GLI3: variants seen among roughly 807,000 people sequenced by gnomAD.
GLI3 encodes the protein transcription activator GLI3.
GLI3 carries 20 observed loss-of-function variants against 100.8 expected under a neutral mutation model. That is an observed-to-expected ratio of 0.20 (90% CI 0.14 to 0.29). The LOEUF (loss-of-function observed/expected upper bound fraction) is 0.29. GLI3 is among the 10% of genes least tolerant of loss of function. The pLI, the probability that GLI3 is intolerant of heterozygous loss-of-function variation, is 1.00. For synonymous variants in GLI3, 938 were observed against 860.5 expected, an observed-to-expected ratio of 1.09 and a Z score of -1.58; for missense variants, 2,040 against 2,128.5, an observed-to-expected ratio of 0.96 and a Z score of 0.82.
chr7:42,173,611 G>A (rs914916230), intron 2 of GLI3, among the ~76,000 whole-genome samples: 1 of 152,022 alleles, frequency 6.6e-6, no homozygotes, highest in Non-Finnish European at 1.5e-5. Flanking sequence ...AGAGTCTGAT[G>A]AGAGCCTTCT....
At chr7:42,120,464 G>A (rs1334489479) in intron 3 of GLI3, among the ~76,000 whole-genome samples, 1 of 152,198 alleles carries the variant, frequency 6.6e-6, no homozygotes, top group Non-Finnish European at 1.5e-5. Flanking sequence ...GGTTTAGGCA[G>A]AGATTTATAA....
chr7:42,025,886 G>A (rs972482534), intron 8 of GLI3, among the ~76,000 whole-genome samples: 6 of 152,234 alleles, frequency 3.9e-5, no homozygotes, highest in African/African-American at 1.4e-4. Flanking sequence ...CCAAATGAGA[G>A]CAATGCATCC....
At chr7:42,258,326 A>G (rs372016747) in intron 1 of GLI3, among the ~76,000 whole-genome samples, 3 of 152,324 alleles carry the variant, frequency 2.0e-5, no homozygotes, top group South Asian at 2.1e-4. Context: ...TCTGGTCAAT[A>G]TACTGTAATC....
At chr7:42,237,461 GC>G (rs1583669600), upstream of GLI3, among the ~76,000 whole-genome samples, 2 of 152,004 alleles carry the variant, frequency 1.3e-5, no homozygotes, top group African/African-American at 4.8e-5. Flanking sequence ...GGGTGGAGAA[GC>G]CCCCCGCCCC....
intron 2 of GLI3, among the ~76,000 whole-genome samples, chr7:42,193,559 G>A (rs1394621030): frequency 1.3e-5 from 2 of 152,136 alleles, no homozygotes; most frequent in Non-Finnish European, 2.9e-5. Flanking sequence ...TTCTCAGGTG[G>A]GACGTTTTCT....
chr7:42,191,592 C>T (rs956613396), intron 2 of GLI3, among the ~76,000 whole-genome samples: 5 of 151,052 alleles, frequency 3.3e-5, no homozygotes, highest in African/African-American at 4.9e-5. Flanking sequence ...GCAGACGTTG[C>T]GGTGCCGAGA....
intron 1 of GLI3, among the ~76,000 whole-genome samples, chr7:42,261,204 CA>C (rs1046931091): frequency 6.6e-6 from 1 of 150,830 alleles, no homozygotes; most frequent in African/African-American, 2.4e-5. Flanking sequence ...CACACAAACA[CA>C]CACACACACA....
rs187835875 is a variant in GLI3, at chr7:42,132,187, G to A, written c.367+16039C>T. The stretch of plus-strand genomic sequence containing the variant: ...TCAATCTCGGCTCACTGCAAGCTCC[G>A]CCTCCTGGGTTCACGCCATTCTCCT... On this transcript the variant is annotated intron_variant, in intron 3 of 14. Transcript: ENST00000395925. Among the ~76,000 whole-genome samples the A allele has an allele frequency of 9.2e-3, 1,396 of 151,928 alleles. 23 individuals are homozygous for A. Among genetic ancestry groups the A allele is most frequent in the African/African-American group, 0.032 (1,309 of 41,412 alleles).
exon 1 of GLI3, among the ~76,000 whole-genome samples, chr7:42,264,077 G>T (rs1188239200): frequency 3.9e-5 from 6 of 152,172 alleles, no homozygotes; most frequent in African/African-American, 1.4e-4. Flanking sequence ...GAGATGGGCT[G>T]TCCAGGCATC....
intron 2 of GLI3, among the ~76,000 whole-genome samples, chr7:42,166,335 G>A (rs3779162): frequency 0.061 from 9,340 of 152,282 alleles, 289 homozygotes; most frequent in Admixed American, 0.11. Context: ...TATTCTACAG[G>A]TGAATAAATA....
chr7:42,092,517 G>A (rs1329254549), intron 3 of GLI3, among the ~76,000 whole-genome samples: 1 of 152,140 alleles, frequency 6.6e-6, no homozygotes, highest in Admixed American at 6.5e-5. Flanking sequence ...AAACACTGTG[G>A]GGGCTGACCA....
chr7:42,222,999 T>C, intron 2 of GLI3, 131 bp downstream of exon 2: 2 of 782,950 alleles, frequency 2.6e-6, no homozygotes, highest in Non-Finnish European at 4.3e-6. Context: ...CCCCCGCCCC[T>C]GCTCCATTTG....
chr7:42,141,612 C>T (rs1786570021), intron 3 of GLI3, among the ~76,000 whole-genome samples: 1 of 152,070 alleles, frequency 6.6e-6, no homozygotes, highest in Non-Finnish European at 1.5e-5. Flanking sequence ...GCGGAGGTTG[C>T]GGTGAGCCAA....
At chr7:42,235,907 C>G (rs1160518196) in intron 1 of GLI3, among the ~76,000 whole-genome samples, 1 of 152,166 alleles carries the variant, frequency 6.6e-6, no homozygotes, top group Non-Finnish European at 1.5e-5. Context: ...GCACTGTACC[C>G]AAGGCCAGAA....
intron 10 of GLI3, among the ~76,000 whole-genome samples, chr7:42,013,271 T>C (rs569281907): frequency 6.6e-6 from 1 of 152,342 alleles, no homozygotes; most frequent in African/African-American, 2.4e-5. Flanking sequence ...TCATTCTCTG[T>C]ATTCGTCCAA....
intron 3 of GLI3, chr7:42,113,478 G>A: frequency 1.3e-6 from 1 of 790,474 alleles, no homozygotes; most frequent in Non-Finnish European, 2.3e-6. Context: ...CAAAGCCAGA[G>A]CAAGCCTAAA....
At chr7:42,175,561 T>A (rs1397049345) in intron 2 of GLI3, among the ~76,000 whole-genome samples, 1 of 151,450 alleles carries the variant, frequency 6.6e-6, no homozygotes, top group Non-Finnish European at 1.5e-5. Context: ...AAGGTTGCAG[T>A]GAGCTGAGAT....
At chr7:42,034,377 C>T (rs1200167255) in intron 7 of GLI3, among the ~76,000 whole-genome samples, 1 of 152,154 alleles carries the variant, frequency 6.6e-6, no homozygotes, top group Non-Finnish European at 1.5e-5. Context: ...ACATCAGTTT[C>T]CTTATCTGTA....
In GLI3 at chr7:41,972,752, G is replaced by GGT; in HGVS notation, c.1813-127_1813-126dup. The GGT allele has an allele frequency of 1.3e-6, 1 of 779,564 alleles. No individual in the cohort carries two copies. The highest frequency in any genetic ancestry group is 2.2e-6 in the Non-Finnish European group (1 of 458,598). The allele number at this position is 779,564 out of a possible 1,614,324, so 48.3% of individuals were successfully genotyped here. On this transcript the variant is annotated intron_variant, in intron 12 of 14. Transcript: ENST00000395925. This position sits in a 1 kb window ranked among gnomAD's most constrained non-coding sequence, Gnocchi z 4.4. ...TCAAAACACTTTCACAAGGCTTTGA[G>GGT]GTGTTCAGATACCTCTAGGAACTAA...
Sources: gnomAD v4.1 joint callset for allele counts (sites outside exome capture counted in the v4.1 genomes callset) on GRCh38, gnomAD v4.1.1 for gene constraint, Gnocchi (gnomAD v3.1) non-coding constraint, MANE v1.5 for transcripts, NCBI Gene and HGNC (gene_info 2026-07-23, HGNC 2026-07-21) for gene names.